Variants in GABRB2 observed in about 807,000 individuals in gnomAD.
GABRB2 encodes the protein gamma-aminobutyric acid type A receptor subunit beta2.
In GABRB2, 16 loss-of-function variants were observed where a neutral mutation model predicts 54.7. That is an observed-to-expected ratio of 0.29 (90% confidence interval 0.20 to 0.44). GABRB2 has a LOEUF of 0.44. Among genes scored for constraint, GABRB2 ranks in the 20% least tolerant of loss-of-function variants. The pLI is 1.00. For missense variants in GABRB2, 355 were observed against 644.0 expected (o/e 0.55, Z 4.86); for synonymous variants, 244 against 233.8 (o/e 1.04, Z -0.40).
intron 5 of GABRB2, among the ~76,000 whole-genome samples, chr5:161,392,015 AT>A (rs1755838676): frequency 6.6e-6 from 1 of 152,168 alleles, no homozygotes; most frequent in Non-Finnish European, 1.5e-5. Context: ...TTGGTGACAG[AT>A]TTTGTGTGTG....
At chr5:161,433,783 C>T (rs1757237810) in intron 4 of GABRB2, among the ~76,000 whole-genome samples, 1 of 152,134 alleles carries the variant, frequency 6.6e-6, no homozygotes, top group African/African-American at 2.4e-5. Flanking sequence ...CAGGTTCTTT[C>T]CTATTGGAAG....
intron 3 of GABRB2, among the ~76,000 whole-genome samples, chr5:161,542,307 C>G (rs1760845555): frequency 6.6e-6 from 1 of 152,090 alleles, no homozygotes. Flanking sequence ...ACTAGAGAAA[C>G]AGGCTCATTA....
chr5:161,406,433 C>T (rs934690741), intron 5 of GABRB2, among the ~76,000 whole-genome samples: 4 of 151,960 alleles, frequency 2.6e-5, no homozygotes, highest in African/African-American at 4.8e-5. Context: ...CTCTGGGTCT[C>T]CTTGGCTAGA....
At chr5:161,309,103 T>C (rs1757784938) in intron 9 of GABRB2, among the ~76,000 whole-genome samples, 1 of 152,150 alleles carries the variant, frequency 6.6e-6, no homozygotes, top group African/African-American at 2.4e-5. Context: ...TTGCAAACAA[T>C]GCATCTGGCA....
At chr5:161,336,516 G>A (rs1187111154) in intron 6 of GABRB2, 116 bp downstream of exon 6, 1 of 1,213,266 alleles carries the variant, frequency 8.2e-7, no homozygotes, top group Non-Finnish European at 1.1e-6. Flanking sequence ...GGTTTTCAGT[G>A]GATTTGTCTT....
chr5:161,513,397 C>G (rs537004446), intron 3 of GABRB2, among the ~76,000 whole-genome samples: 1 of 151,764 alleles, frequency 6.6e-6, no homozygotes, highest in Admixed American at 6.6e-5. Flanking sequence ...CCATCAACAG[C>G]GGATTCATAA....
At chr5:161,510,354 A>G (rs1167803190) in intron 3 of GABRB2, among the ~76,000 whole-genome samples, 1 of 151,678 alleles carries the variant, frequency 6.6e-6, no homozygotes, top group Non-Finnish European at 1.5e-5. Flanking sequence ...AACATGCGAC[A>G]TTTGTCTTTC....
At chr5:161,323,129 T>G (rs1356867170) in intron 9 of GABRB2, among the ~76,000 whole-genome samples, 1 of 151,650 alleles carries the variant, frequency 6.6e-6, no homozygotes, top group Non-Finnish European at 1.5e-5. Context: ...AGTTCAAGCA[T>G]TCTCCTGCCT....
chr5:161,494,024 A>G (rs1479975041), intron 3 of GABRB2, among the ~76,000 whole-genome samples: 1 of 151,754 alleles, frequency 6.6e-6, no homozygotes, highest in Non-Finnish European at 1.5e-5. Flanking sequence ...ACAAATACAT[A>G]CAATTTTTGT....
intron 3 of GABRB2, among the ~76,000 whole-genome samples, chr5:161,483,746 T>C (rs1271920646): frequency 6.6e-6 from 1 of 152,000 alleles, no homozygotes; most frequent in Non-Finnish European, 1.5e-5. Flanking sequence ...TTTATGGTTT[T>C]GACTAGAAAA....
chr5:161,390,847 A>G (rs1755799518), intron 5 of GABRB2, among the ~76,000 whole-genome samples: 2 of 152,140 alleles, frequency 1.3e-5, no homozygotes, highest in African/African-American at 2.4e-5. Context: ...AAACTCGCCT[A>G]TGTTCTTGCT....
chr5:161,403,608 A>C (rs930066238), intron 5 of GABRB2, among the ~76,000 whole-genome samples: 1 of 152,188 alleles, frequency 6.6e-6, no homozygotes, highest in Non-Finnish European at 1.5e-5. Context: ...CGTCACAAAA[A>C]GAAAGAGAAA....
At chr5:161,449,804 GC>G (rs1757741361) in intron 4 of GABRB2, among the ~76,000 whole-genome samples, 2 of 151,318 alleles carry the variant, frequency 1.3e-5, no homozygotes, top group Non-Finnish European at 2.9e-5. Context: ...ACACACAATA[GC>G]AACAATTTTA....
chr5:161,434,036 G>A (rs1016787968), intron 4 of GABRB2, among the ~76,000 whole-genome samples: 8 of 151,846 alleles, frequency 5.3e-5, no homozygotes, highest in Non-Finnish European at 8.8e-5. Flanking sequence ...CTATGTATTC[G>A]AATTTTAGTG....
intron 4 of GABRB2, among the ~76,000 whole-genome samples, chr5:161,415,850 T>C (rs2113129115): frequency 6.6e-6 from 1 of 152,276 alleles, no homozygotes; most frequent in South Asian, 2.1e-4. Flanking sequence ...TGACCTCAGG[T>C]GATCCACTTG....
At chr5:161,409,488 G>C (rs978455020) in intron 5 of GABRB2, among the ~76,000 whole-genome samples, 1 of 151,900 alleles carries the variant, frequency 6.6e-6, no homozygotes, top group Non-Finnish European at 1.5e-5. Flanking sequence ...TATCTGAGAG[G>C]GTTGTGGAAG....
At chr5:161,369,324 AAAT>A (rs1316896924) in intron 5 of GABRB2, among the ~76,000 whole-genome samples, 2 of 152,182 alleles carry the variant, frequency 1.3e-5, no homozygotes, top group Non-Finnish European at 2.9e-5. Flanking sequence ...CTTTTTCTAA[AAAT>A]AATATTTTAA....
At chr5:161,480,407 A>C (rs541254615) in intron 3 of GABRB2, among the ~76,000 whole-genome samples, 1 of 152,180 alleles carries the variant, frequency 6.6e-6, no homozygotes, top group South Asian at 2.1e-4. Flanking sequence ...TATTAAACTC[A>C]CAGGTCATAA....
chr5:161,391,978 A>G (rs1755837889), intron 5 of GABRB2, among the ~76,000 whole-genome samples: 1 of 152,158 alleles, frequency 6.6e-6, no homozygotes, highest in Admixed American at 6.5e-5. Context: ...GCACCTCAAG[A>G]CTACAGCAGA....
Sources: allele counts gnomAD v4.1 joint callset (sites outside exome capture counted in the v4.1 genomes callset), GRCh38; gene constraint gnomAD v4.1.1; transcripts MANE v1.5; gene names NCBI Gene and HGNC (gene_info 2026-07-23, HGNC 2026-07-21).